Variants in ANO3 observed in about 807,000 individuals in gnomAD.
ANO3 encodes anoctamin-3.
ANO3 carries 99 observed loss-of-function variants against 144.8 expected under a neutral mutation model. The ratio of observed to expected loss-of-function variants is 0.68; its 90% CI spans 0.58 to 0.81. ANO3 has a LOEUF of 0.81. Among genes scored for constraint, ANO3 ranks in the 30% least tolerant of loss-of-function variants. ANO3 has a pLI of 0.00. For missense variants in ANO3, 905 were observed against 1,202.2 expected (o/e 0.75, Z 3.66); for synonymous variants, 414 against 392.6 (o/e 1.05, Z -0.64).
chr11:26,400,288 G>A (rs1857115880), intron 1 of ANO3, among the ~76,000 whole-genome samples: 1 of 151,962 alleles, frequency 6.6e-6, no homozygotes, highest in Non-Finnish European at 1.5e-5. Flanking sequence ...TTAATCCTAG[G>A]AAGCACTCAA....
chr11:26,197,802 C>T (rs1415189823), intron 1 of ANO3, among the ~76,000 whole-genome samples: 1 of 152,132 alleles, frequency 6.6e-6, no homozygotes, highest in Non-Finnish European at 1.5e-5. Flanking sequence ...TTTTCTGAGC[C>T]CTGCCTTGGC....
At chr11:26,304,984 T>C (rs1387086720), upstream of ANO3, among the ~76,000 whole-genome samples, 9 of 152,022 alleles carry the variant, frequency 5.9e-5, no homozygotes. Flanking sequence ...CATATTATTA[T>C]CCCAATTAAA....
At chr11:26,373,061 A>G (rs564712492) in intron 1 of ANO3, among the ~76,000 whole-genome samples, 6 of 152,312 alleles carry the variant, frequency 3.9e-5, no homozygotes, top group Admixed American at 3.9e-4. Flanking sequence ...AAGTGAAGAG[A>G]TTTATACATA....
chr11:26,446,348 G>C (rs1858702245), intron 3 of ANO3, among the ~76,000 whole-genome samples: 1 of 152,134 alleles, frequency 6.6e-6, no homozygotes, highest in Non-Finnish European at 1.5e-5. Flanking sequence ...CCTGCATTGG[G>C]CTGATTATTG....
In ANO3 at chr11:26,660,465, G is replaced by T. The variant is rs1416958345; in HGVS notation, c.*21G>T. 2.5e-6 allele frequency: 4 copies of T among 1,581,330 alleles called. No individual in the cohort carries two copies. In the South Asian group the frequency reaches 4.8e-5, roughly 19 times the overall value. ...CTTAGTTGACACCTGTTACCCATTA[G>T]GGGTGATAACATTAATGGGAAGAAA... is the stretch of plus-strand genomic sequence containing the variant. On this transcript the variant is annotated 3_prime_UTR_variant, in exon 27 of 27. Coordinates refer to ENST00000256737, the MANE Select transcript of ANO3 (RefSeq NM_031418.4).
chr11:26,494,358 A>G (rs1860840631), intron 4 of ANO3, among the ~76,000 whole-genome samples: 1 of 152,098 alleles, frequency 6.6e-6, no homozygotes, highest in Non-Finnish European at 1.5e-5. Flanking sequence ...GCTATTTTAC[A>G]TATGTCACCA....
At chr11:26,328,856 A>G (rs1031129685), upstream of ANO3, among the ~76,000 whole-genome samples, 3 of 152,224 alleles carry the variant, frequency 2.0e-5, no homozygotes, top group Non-Finnish European at 4.4e-5. Flanking sequence ...TGAAAATGAT[A>G]AAAATATATG....
intron 1 of ANO3, among the ~76,000 whole-genome samples, chr11:26,322,651 A>G (rs139979190): frequency 2.0e-5 from 3 of 152,230 alleles, no homozygotes; most frequent in African/African-American, 7.2e-5. Flanking sequence ...AGAATGTGCC[A>G]TTTTCACCAC....
intron 14 of ANO3, among the ~76,000 whole-genome samples, chr11:26,591,002 G>A (rs898833070): frequency 5.9e-5 from 9 of 152,076 alleles, no homozygotes; most frequent in African/African-American, 9.7e-5. Context: ...CCTCCCCCAC[G>A]CTCTCAGGCA....
chr11:26,327,746 G>A (rs1311606632), upstream of ANO3, among the ~76,000 whole-genome samples: 4 of 152,152 alleles, frequency 2.6e-5, no homozygotes, highest in African/African-American at 9.7e-5. Context: ...CATACTTAAT[G>A]TACGATGAGT....
At chr11:26,399,738 T>G (rs1857101278) in intron 1 of ANO3, among the ~76,000 whole-genome samples, 1 of 152,012 alleles carries the variant, frequency 6.6e-6, no homozygotes, top group Non-Finnish European at 1.5e-5. Context: ...CCCTGCCCCC[T>G]TTCCTGCACC....
At chr11:26,212,325 T>C (rs1223534116) in intron 1 of ANO3, among the ~76,000 whole-genome samples, 1 of 150,538 alleles carries the variant, frequency 6.6e-6, no homozygotes, top group Non-Finnish European at 1.5e-5. Context: ...TGAAAAACCC[T>C]TCAAAAAATC....
chr11:26,270,280 C>A (rs1853411781), intron 1 of ANO3, among the ~76,000 whole-genome samples: 1 of 152,074 alleles, frequency 6.6e-6, no homozygotes, highest in African/African-American at 2.4e-5. Context: ...TCCTAAATGT[C>A]CTGAAGATAA....
chr11:26,566,890 A>G (rs1850610089), intron 14 of ANO3, among the ~76,000 whole-genome samples: 1 of 151,942 alleles, frequency 6.6e-6, no homozygotes, highest in Non-Finnish European at 1.5e-5. Context: ...TGTTGTTCTG[A>G]AGACTGAATG....
At chr11:26,563,507 T>C (rs1189625858) in intron 14 of ANO3, among the ~76,000 whole-genome samples, 1 of 151,634 alleles carries the variant, frequency 6.6e-6, no homozygotes, top group Admixed American at 6.6e-5. Context: ...TTTAATTACA[T>C]TGAAATACTT....
At chr11:26,641,817 C>A (rs750475383) in intron 21 of ANO3, 79 bp from the exon 22 acceptor site, 6 of 1,357,770 alleles carry the variant, frequency 4.4e-6, no homozygotes, top group Non-Finnish European at 5.8e-6. Flanking sequence ...TGGTTTTACT[C>A]ATTTCTTAAT....
At chr11:26,647,190 C>A (rs577424508) in intron 23 of ANO3, among the ~76,000 whole-genome samples, 1 of 152,014 alleles carries the variant, frequency 6.6e-6, no homozygotes, top group African/African-American at 2.4e-5. Flanking sequence ...TTTCATGATG[C>A]CAGATTGACC....
chr11:26,439,071 A>G (rs1405324457), intron 1 of ANO3, among the ~76,000 whole-genome samples: 1 of 152,216 alleles, frequency 6.6e-6, no homozygotes, highest in African/African-American at 2.4e-5. Context: ...GGGTGCCAAG[A>G]CAAGTCGATG....
At chr11:26,344,749 C>T (rs898258176) in intron 1 of ANO3, among the ~76,000 whole-genome samples, 2 of 152,070 alleles carry the variant, frequency 1.3e-5, no homozygotes, top group Admixed American at 6.6e-5. Context: ...TCTATTTCTC[C>T]CACAGTACTC....
Sources: allele counts gnomAD v4.1 joint callset (sites outside exome capture counted in the v4.1 genomes callset), GRCh38; gene constraint gnomAD v4.1.1; transcripts MANE v1.5; gene names NCBI Gene and HGNC (gene_info 2026-07-23, HGNC 2026-07-21).